NAV2: variants seen among roughly 807,000 people sequenced by gnomAD.
The protein encoded by NAV2 is neuron navigator 2.
Under a neutral mutation model 223.2 loss-of-function variants are expected in NAV2, and 54 were observed. That is an observed-to-expected ratio of 0.24 (90% CI 0.19 to 0.30). The LOEUF is 0.30. Ranked by LOEUF, NAV2 falls within the 10% of genes least tolerant of loss-of-function variation. The probability of loss-of-function intolerance (pLI) is 1.00; values close to 1 mark genes in which losing one functional copy is unlikely to be tolerated. For synonymous variants in NAV2, 1,279 were observed against 1,239.3 expected, an observed-to-expected ratio of 1.03 and a Z score of -0.67; for missense variants, 2,806 against 3,147.5, an observed-to-expected ratio of 0.89 and a Z score of 2.60.
intron 1 of NAV2, among the ~76,000 whole-genome samples, chr11:19,482,666 T>A (rs781663827): frequency 4.6e-5 from 7 of 152,106 alleles, no homozygotes; most frequent in Non-Finnish European, 1.0e-4. Flanking sequence ...CTGAGCAAGG[T>A]CCAGAGAGGC....
intron 7 of NAV2, among the ~76,000 whole-genome samples, chr11:19,935,851 GTTTTTTTT>G (rs765632685): frequency 2.1e-4 from 11 of 52,702 alleles, no homozygotes; most frequent in Admixed American, 8.4e-4. Flanking sequence ...TTTTGTTTCT[GTTTTTTTT>G]TTTTTTTTTT....
chr11:19,821,948 G>A (rs572917939), intron 1 of NAV2, among the ~76,000 whole-genome samples: 23 of 152,232 alleles, frequency 1.5e-4, no homozygotes, highest in South Asian at 4.2e-4. Flanking sequence ...TTCAAACCCC[G>A]CGTACTTGTC....
intron 1 of NAV2, among the ~76,000 whole-genome samples, chr11:19,665,691 C>T (rs2048392285): frequency 6.6e-6 from 1 of 152,144 alleles, no homozygotes; most frequent in Admixed American, 6.5e-5. Context: ...AAACTTCTCA[C>T]CATCAGAAGT....
At chr11:19,896,736 A>G (rs529060274) in intron 6 of NAV2, among the ~76,000 whole-genome samples, 54 of 152,318 alleles carry the variant, frequency 3.5e-4, no homozygotes, top group African/African-American at 1.3e-3. Flanking sequence ...TCAGTAAGTG[A>G]CAAAAATATT....
chr11:19,552,095 T>G (rs902635981), intron 1 of NAV2, among the ~76,000 whole-genome samples: 1 of 151,692 alleles, frequency 6.6e-6, no homozygotes, highest in Non-Finnish European at 1.5e-5. Context: ...GAGACTGGGG[T>G]GGCCTGGGCC....
At chr11:19,896,731 A>G (rs1033555159) in intron 6 of NAV2, among the ~76,000 whole-genome samples, 4 of 152,252 alleles carry the variant, frequency 2.6e-5, no homozygotes, top group Admixed American at 6.5e-5. Flanking sequence ...TTCTGTCAGT[A>G]AGTGACAAAA....
At chr11:19,861,655 A>G (rs1453187969) in intron 3 of NAV2, among the ~76,000 whole-genome samples, 1 of 152,224 alleles carries the variant, frequency 6.6e-6, no homozygotes, top group Non-Finnish European at 1.5e-5. Context: ...ACTTGTCTGA[A>G]CCTAAAGCCT....
chr11:19,798,148 T>C (rs1051014710), intron 1 of NAV2, among the ~76,000 whole-genome samples: 6 of 152,168 alleles, frequency 3.9e-5, no homozygotes, highest in African/African-American at 9.7e-5. Context: ...TCCCAGTGAA[T>C]TGAAGTCCAC....
At chr11:19,838,546 G>A (rs1208727274) in intron 2 of NAV2, among the ~76,000 whole-genome samples, 1 of 152,170 alleles carries the variant, frequency 6.6e-6, no homozygotes, top group African/African-American at 2.4e-5. Context: ...AAGAACAAGG[G>A]CCAGTGGTTG....
chr11:19,712,800 C>T (rs1479369474), upstream of NAV2, among the ~76,000 whole-genome samples: 2 of 151,604 alleles, frequency 1.3e-5, no homozygotes, highest in African/African-American at 4.8e-5. Flanking sequence ...GCGGCCCCGG[C>T]TGTCAGCGCG....
chr11:19,579,682 G>A (rs1416602907), intron 1 of NAV2, among the ~76,000 whole-genome samples: 1 of 152,234 alleles, frequency 6.6e-6, no homozygotes, highest in African/African-American at 2.4e-5. Context: ...GGTATTTAGA[G>A]CAGAACCTGG....
rs749543913 is a variant in NAV2 at position 20,095,698 on chromosome 11, T to G, written c.5943T>G (p.Ile1981Met). 1.1e-5 allele frequency: 17 copies of G among 1,613,828 alleles called. No homozygotes were observed. Among genetic ancestry groups the G allele is most frequent in the Admixed American group, 8.3e-5 (5 of 59,998 alleles). ...KEDSRPHLFL[I>M]GCIGVSGKTK... ...ATTCCAGACCACATCTCTTTCTTAT[T>G]GGCTGCATTGGAGTTAGTGGCAAGA... Residue 1981 changes from isoleucine to methionine, a missense_variant, in exon 30 of 38, where the codon ATT (isoleucine) becomes ATG (methionine). Ile to Met is a conservative substitution (Grantham distance 10). This residue lies in a region of NAV2 where 824 missense variants were observed against 1,069.4 expected (regional missense o/e 0.77). Coordinates refer to ENST00000349880, the MANE Select transcript of NAV2 (RefSeq NM_145117.5).
Position 20,044,154 on chromosome 11 carries a change from G to T in NAV2, c.3081G>T (p.Lys1027Asn). The T allele has an allele frequency of 6.2e-7, 1 of 1,614,194 alleles. No individual in the cohort carries two copies. The highest frequency in any genetic ancestry group is 8.5e-7 in the Non-Finnish European group (1 of 1,180,036). Residue 1027 changes from lysine (K) to asparagine (N), a missense_variant, in exon 13 of 38, where the codon AAG (lysine) becomes AAT (asparagine). Around this residue, in one of 4 missense-constraint regions of NAV2, gnomAD observed 742 missense variants for 777.9 expected, o/e 0.95. Transcript: ENST00000349880. The part of the protein sequence containing the change: ...DESDKSTSGK[K>N]NPVISQTGSW... ...CCGACAAAAGCACGTCGGGCAAGAA[G>T]AATCCTGTCATCTCCCAGACAGGCT...
intron 1 of NAV2, among the ~76,000 whole-genome samples, chr11:19,633,059 G>A (rs948721672): frequency 6.6e-6 from 1 of 152,062 alleles, no homozygotes; most frequent in Non-Finnish European, 1.5e-5. Context: ...TACATTCTAA[G>A]CTCCTGGGGG....
chr11:19,880,223 G>A (rs1485356991), intron 5 of NAV2, 96 bp downstream of exon 5: 3 of 1,432,068 alleles, frequency 2.1e-6, no homozygotes, highest in East Asian at 2.5e-5. Flanking sequence ...TTTCATTTGT[G>A]CTTCTTCAAT....
intron 1 of NAV2, among the ~76,000 whole-genome samples, chr11:19,399,057 T>C (rs1051700352): frequency 6.6e-6 from 1 of 152,172 alleles, no homozygotes; most frequent in Non-Finnish European, 1.5e-5. Context: ...ATCTTATTAC[T>C]GCAAAAAGAG....
In NAV2 at chr11:20,045,553, T is replaced by C; in HGVS notation, c.3785T>C (p.Val1262Ala). The C allele has an allele frequency of 1.2e-6, 2 of 1,614,182 alleles. No individual in the cohort carries two copies. Among genetic ancestry groups the C allele is most frequent in the Non-Finnish European group, 1.7e-6 (2 of 1,180,028 alleles). Residue 1262 changes from valine (V) to alanine (A), a missense_variant, in exon 14 of 38, where the codon GTG becomes GCG. Physicochemically the swap from Val to Ala is moderately conservative, Grantham distance 64. Transcript: ENST00000349880. ...EKGISSDNES[V>A]ASCNSVKVNP... Reference sequence around the variant, plus strand: ...GGCATCTCATCAGACAACGAGAGTGTGGCTTCCTGTAACTCGGTGAAAGTG... The same window carrying C: ...GGCATCTCATCAGACAACGAGAGTGCGGCTTCCTGTAACTCGGTGAAAGTG...
At position 20,072,291 on chromosome 11, in the gene NAV2, G is replaced by T. The variant is rs372830133; in HGVS notation, c.4983+3893G>T. Among the ~76,000 whole-genome samples, 56 of 152,216 alleles carry T rather than the reference G, an allele frequency of 3.7e-4. No homozygotes were observed. The East Asian group carries it at 6.2e-3, about 17-fold the overall frequency. The stretch of plus-strand genomic sequence containing the variant: ...CTGAGGCCTCTGTTCTGTCCCATTG[G>T]TCTATATATCTGTTTTGGTACCAGT... On this transcript the variant is annotated intron_variant, in intron 22 of 37. Coordinates refer to ENST00000349880, the MANE Select transcript of NAV2 (RefSeq NM_145117.5).
chr11:19,870,466 A>G (rs917333816), intron 4 of NAV2, among the ~76,000 whole-genome samples: 1 of 152,092 alleles, frequency 6.6e-6, no homozygotes, highest in African/African-American at 2.4e-5. Flanking sequence ...AGCAAGTGGC[A>G]GCAGGGCCTC....
Sources: allele counts gnomAD v4.1 joint callset (sites outside exome capture counted in the v4.1 genomes callset), GRCh38; gene constraint gnomAD v4.1.1; regional missense constraint gnomAD v4.1.1; transcripts MANE v1.5; gene names NCBI Gene and HGNC (gene_info 2026-07-23, HGNC 2026-07-21).